The following MYO6 variants were observed in gnomAD, a reference collection of about 807,000 sequenced individuals.
MYO6 encodes the protein myosin VI, also known as unconventional myosin-VI.
In MYO6, 74 loss-of-function variants were observed where a neutral mutation model predicts 178.7. That is an observed-to-expected ratio of 0.41 (90% CI 0.34 to 0.50). The LOEUF (loss-of-function observed/expected upper bound fraction) is 0.50. Among genes scored for constraint, MYO6 ranks in the 20% least tolerant of loss-of-function variants. The pLI, the probability that MYO6 is intolerant of heterozygous loss-of-function variation, is 0.09. For synonymous variants in MYO6, 477 were observed against 504.6 expected, an observed-to-expected ratio of 0.95 and a Z score of 0.73; for missense variants, 1,330 against 1,547.4, an observed-to-expected ratio of 0.86 and a Z score of 2.36.
intron 1 of MYO6, among the ~76,000 whole-genome samples, chr6:75,765,235 G>T (rs1778312750): frequency 7.2e-6 from 1 of 138,040 alleles, no homozygotes. Flanking sequence ...GGAGTGCAGT[G>T]GTGCAATCTC....
intron 30 of MYO6, among the ~76,000 whole-genome samples, chr6:75,903,032 G>A (rs1241165647): frequency 6.6e-5 from 10 of 151,922 alleles, no homozygotes; most frequent in African/African-American, 9.7e-5. Flanking sequence ...GTAGTTGAGC[G>A]GTTTTGAGTG....
chr6:75,856,499 G>C (rs79636935), intron 12 of MYO6, among the ~76,000 whole-genome samples: 1 of 76,810 alleles, frequency 1.3e-5, no homozygotes, highest in Admixed American at 1.3e-4. Flanking sequence ...TTTTTTTTTT[G>C]TGCTCTCTTG....
chr6:75,825,671 CA>C (rs1772393673), intron 3 of MYO6, among the ~76,000 whole-genome samples: 1 of 152,178 alleles, frequency 6.6e-6, no homozygotes, highest in African/African-American at 2.4e-5. Flanking sequence ...ATGACTTCTA[CA>C]ACAACATATA....
chr6:75,813,204 C>G (rs185756217), intron 1 of MYO6, among the ~76,000 whole-genome samples: 3 of 152,118 alleles, frequency 2.0e-5, no homozygotes, highest in African/African-American at 7.2e-5. Flanking sequence ...AGAAATCTAT[C>G]TGCTGCTGTA....
intron 34 of MYO6, among the ~76,000 whole-genome samples, 172 bp downstream of exon 34, chr6:75,914,453 T>A (rs1781000387): frequency 6.6e-6 from 1 of 152,240 alleles, no homozygotes; most frequent in African/African-American, 2.4e-5. Context: ...ATTTATAATG[T>A]GAAATTGCTT....
At chr6:75,791,059 G>A (rs1016561016) in intron 1 of MYO6, among the ~76,000 whole-genome samples, 75 of 151,938 alleles carry the variant, frequency 4.9e-4, no homozygotes, top group African/African-American at 1.6e-3. Flanking sequence ...TCAACCTCCC[G>A]AGTAGCTGGA....
chr6:75,785,551 C>T, intron 1 of MYO6, among the ~76,000 whole-genome samples: 1 of 149,834 alleles, frequency 6.7e-6, no homozygotes. Context: ...GGCGTGACTG[C>T]AGCCTCGAAA....
chr6:75,817,714 GTT>G, intron 2 of MYO6, 50 bp downstream of exon 2: 1 of 1,510,946 alleles, frequency 6.6e-7, no homozygotes, highest in Non-Finnish European at 9.2e-7. Flanking sequence ...AAAAATAGGT[GTT>G]TTTTTTCACA....
intron 10 of MYO6, among the ~76,000 whole-genome samples, chr6:75,847,725 G>A (rs966800284): frequency 1.3e-5 from 2 of 151,990 alleles, no homozygotes; most frequent in African/African-American, 4.8e-5. Flanking sequence ...TCTAAGGCAT[G>A]AAAATTGTAT....
intron 1 of MYO6, 82 bp from the exon 2 acceptor site, chr6:75,817,419 G>T: frequency 1.3e-6 from 1 of 796,898 alleles, no homozygotes; most frequent in Non-Finnish European, 2.2e-6. Flanking sequence ...ACTTACATGT[G>T]AACTTTTGAA....
chr6:75,775,958 T>TG (rs1333388755), intron 1 of MYO6, among the ~76,000 whole-genome samples: 4 of 152,238 alleles, frequency 2.6e-5, no homozygotes, highest in South Asian at 2.1e-4. Flanking sequence ...GTATCATTTC[T>TG]TTAAGATTTT....
chr6:75,919,126 T>A lies in MYO6; in HGVS notation c.*4114T>A, dbSNP rs7766661. 109,499 of 151,570 alleles carry A rather than the reference T, an allele frequency of 0.72. 39,868 individuals are homozygous for A. The highest frequency in any genetic ancestry group is 0.95 in the East Asian group (4,889 of 5,148). 9.4% of individuals were successfully genotyped at this position (151,570 alleles called of 1,614,324 possible). The stretch of plus-strand genomic sequence containing the variant: ...AAGAGCGAAATTCCATCTCAAAAAA[T>A]AAAATAGATTTAGGGGGTACAAGTG... On this transcript the variant is annotated 3_prime_UTR_variant, in exon 35 of 35. Transcript: ENST00000369977.
Position 75,915,219 on chromosome 6 carries a change from G to A in MYO6, c.*207G>A. 1.7e-6 allele frequency: 1 copy of A among 592,416 alleles called. No individual in the cohort carries two copies. The highest frequency in any genetic ancestry group is 3.0e-6 in the Non-Finnish European group (1 of 333,652). 36.7% of individuals were successfully genotyped at this position (592,416 alleles called of 1,614,324 possible). On this transcript the variant is annotated 3_prime_UTR_variant, in exon 35 of 35. Coordinates refer to ENST00000369977, the MANE Select transcript of MYO6 (RefSeq NM_004999.4). ...AAACATTATTTTTCTGTATCCCGCTGTAATTCCCAAAACTCTCATTATTCT... is the reference window on the plus strand; with the variant it reads ...AAACATTATTTTTCTGTATCCCGCTATAATTCCCAAAACTCTCATTATTCT...
Position 75,829,841 on chromosome 6 carries a change from T to A in MYO6, c.262-575T>A, listed in dbSNP as rs377640789. ...AATGTTCTAGGCAATGGTTAACATA[T>A]ATTGTTTGGAAGAAATCTGGGACCA... On this transcript the variant is annotated intron_variant, in intron 4 of 34. Coordinates refer to ENST00000369977, the MANE Select transcript of MYO6 (RefSeq NM_004999.4). 1.4e-4 allele frequency among the ~76,000 whole-genome samples: 21 copies of A among 152,276 alleles called. No individual in the cohort carries two copies. In the South Asian group the frequency reaches 2.1e-3, roughly 15 times the overall value.
chr6:75,827,868 G>A (rs1736960268), intron 3 of MYO6, among the ~76,000 whole-genome samples: 1 of 152,158 alleles, frequency 6.6e-6, no homozygotes, highest in Admixed American at 6.5e-5. Flanking sequence ...GAAACAAGGT[G>A]GTTGAGAAGA....
intron 2 of MYO6, among the ~76,000 whole-genome samples, chr6:75,821,333 A>C (rs970765989): frequency 1.3e-5 from 2 of 152,192 alleles, no homozygotes; most frequent in African/African-American, 4.8e-5. Flanking sequence ...GGGCACATAC[A>C]TATATGACAT....
chr6:75,772,122 G>A (rs765640258), intron 1 of MYO6, among the ~76,000 whole-genome samples: 2 of 152,032 alleles, frequency 1.3e-5, no homozygotes, highest in African/African-American at 2.4e-5. Context: ...CTGGCCTACC[G>A]TATCTAAACC....
At chr6:75,818,571 T>C (rs755554715) in intron 2 of MYO6, among the ~76,000 whole-genome samples, 1 of 152,230 alleles carries the variant, frequency 6.6e-6, no homozygotes, top group Non-Finnish European at 1.5e-5. Flanking sequence ...TTCTGTTTAC[T>C]TTAGACTGAA....
chr6:75,820,775 C>A (rs1320307781), intron 2 of MYO6, among the ~76,000 whole-genome samples: 1 of 152,082 alleles, frequency 6.6e-6, no homozygotes, highest in Non-Finnish European at 1.5e-5. Flanking sequence ...ATCTCTCCCT[C>A]CCCCCCATTC....
Sources: allele counts gnomAD v4.1 joint callset (sites outside exome capture counted in the v4.1 genomes callset), GRCh38; gene constraint gnomAD v4.1.1; transcripts MANE v1.5; gene names NCBI Gene and HGNC (gene_info 2026-07-23, HGNC 2026-07-21).